Variants in NRXN1 observed in about 807,000 individuals in gnomAD.
NRXN1 encodes the protein neurexin 1, also known as neurexin-1.
NRXN1 carries 39 observed loss-of-function variants against 150.9 expected under a neutral mutation model. The ratio of observed to expected loss-of-function variants is 0.26; its 90% CI spans 0.20 to 0.34. The LOEUF is 0.34. NRXN1 is among the 10% of genes least tolerant of loss of function. The pLI is 1.00. For missense variants in NRXN1, 1,815 were observed against 1,949.9 expected (o/e 0.93, Z 1.30); for synonymous variants, 924 against 757.0 (o/e 1.22, Z -3.62).
chr2:50,163,525 T>C (rs2059494047), intron 18 of NRXN1, among the ~76,000 whole-genome samples: 1 of 152,154 alleles, frequency 6.6e-6, no homozygotes, highest in South Asian at 2.1e-4. Flanking sequence ...TCTTGGCCAA[T>C]GTGCTTCTGC....
At chr2:50,263,047 T>TA (rs2068459114) in intron 17 of NRXN1, among the ~76,000 whole-genome samples, 1 of 151,924 alleles carries the variant, frequency 6.6e-6, no homozygotes, top group Non-Finnish European at 1.5e-5. Context: ...TACATGACAG[T>TA]ACTCCACACA....
chr2:50,236,655 G>C, intron 18 of NRXN1, 134 bp downstream of exon 18: 1 of 781,382 alleles, frequency 1.3e-6, no homozygotes, highest in Non-Finnish European at 2.2e-6. Context: ...ATTTCCTCTA[G>C]ATTGTATTCA....
chr2:50,867,075 C>A (rs1186107329), intron 5 of NRXN1, among the ~76,000 whole-genome samples: 2 of 151,922 alleles, frequency 1.3e-5, no homozygotes, highest in Admixed American at 6.6e-5. Context: ...GGAAGTTCAC[C>A]ATGAGCATTG....
chr2:51,016,231 T>C (rs1668643114), intron 2 of NRXN1, among the ~76,000 whole-genome samples: 1 of 152,032 alleles, frequency 6.6e-6, no homozygotes, highest in African/African-American at 2.4e-5. Context: ...CCAAAAGCAA[T>C]GGCAACAAAA....
At chr2:50,811,309 T>A (rs905856624) in intron 5 of NRXN1, among the ~76,000 whole-genome samples, 1 of 152,184 alleles carries the variant, frequency 6.6e-6, no homozygotes, top group Non-Finnish European at 1.5e-5. Context: ...TTTTCTTTTA[T>A]CCTATTGAAA....
At chr2:50,708,570 T>C (rs1694745926) in intron 5 of NRXN1, among the ~76,000 whole-genome samples, 1 of 152,140 alleles carries the variant, frequency 6.6e-6, no homozygotes, top group Non-Finnish European at 1.5e-5. Context: ...CCTTGAATTG[T>C]TGTCCTCAAC....
chr2:50,128,334 ATAGTAT>A (rs879599312), intron 18 of NRXN1, among the ~76,000 whole-genome samples: 2 of 152,210 alleles, frequency 1.3e-5, no homozygotes, highest in Non-Finnish European at 2.9e-5. Flanking sequence ...TCTTGAGTCC[ATAGTAT>A]TATATGCTCC....
rs1327848730 is a variant in NRXN1 at position 50,528,726 on chromosome 2, C to T, written c.2348-75G>A. The T allele has an allele frequency of 3.7e-5, 33 of 892,108 alleles. No homozygotes were observed. The Admixed American group carries it at 7.6e-4, about 20-fold the overall frequency. 55.3% of individuals were successfully genotyped at this position (892,108 alleles called of 1,614,324 possible). A position where few individuals can be genotyped will look rare whatever the true frequency, so the allele number is the denominator to read the frequency against. On this transcript the variant is annotated intron_variant, in intron 11 of 22. Coordinates refer to ENST00000401669, the MANE Select transcript of NRXN1 (RefSeq NM_001330078.2). ...TAGCTGCAGACATCCAATAAAATTA[C>T]AGTCCACCCTTCCGGGGACAGACAC...
At chr2:50,795,700 G>A (rs962113966) in intron 5 of NRXN1, among the ~76,000 whole-genome samples, 20 of 152,018 alleles carry the variant, frequency 1.3e-4, no homozygotes, top group African/African-American at 4.8e-4. Context: ...TCTCCTCCAT[G>A]TGGAACTGCT....
chr2:50,145,679 C>T (rs956859367), intron 18 of NRXN1, among the ~76,000 whole-genome samples: 4 of 151,636 alleles, frequency 2.6e-5, no homozygotes, highest in African/African-American at 9.7e-5. Context: ...AGTGTGACAA[C>T]TCCCATTCAT....
At chr2:50,138,969 TAAAAG>T (rs895435381) in intron 18 of NRXN1, among the ~76,000 whole-genome samples, 3 of 152,318 alleles carry the variant, frequency 2.0e-5, no homozygotes, top group African/African-American at 7.2e-5. Flanking sequence ...GAGGTGCAGA[TAAAAG>T]GTAAAGGTTT....
chr2:50,892,256 T>C (rs1161994084), intron 5 of NRXN1, among the ~76,000 whole-genome samples: 1 of 152,108 alleles, frequency 6.6e-6, no homozygotes, highest in East Asian at 1.9e-4. Flanking sequence ...ATTTATTAAG[T>C]CTGCTTCATT....
intron 9 of NRXN1, among the ~76,000 whole-genome samples, chr2:50,543,021 G>T (rs2093423176): frequency 6.6e-6 from 1 of 152,062 alleles, no homozygotes; most frequent in African/African-American, 2.4e-5. Context: ...ATTGATAATT[G>T]AAGACAATTG....
chr2:50,639,218 CTTTCTTTT>C (rs1042116513), intron 5 of NRXN1, among the ~76,000 whole-genome samples: 7 of 99,686 alleles, frequency 7.0e-5, no homozygotes, highest in Non-Finnish European at 1.3e-4. Context: ...TTCTTTCTTT[CTTTCTTTT>C]TTTTTTTTTT....
chr2:50,560,687 C>A (rs774234661), intron 8 of NRXN1, among the ~76,000 whole-genome samples: 3 of 152,072 alleles, frequency 2.0e-5, no homozygotes, highest in Non-Finnish European at 4.4e-5. Context: ...CTGCTTTGGC[C>A]TCCCAAACTA....
chr2:50,163,396 A>G (rs2152790063), intron 18 of NRXN1, among the ~76,000 whole-genome samples: 1 of 152,136 alleles, frequency 6.6e-6, no homozygotes, highest in South Asian at 2.1e-4. Context: ...TCCCATCCAA[A>G]CCATTGGCCT....
At chr2:50,083,696 G>T (rs1232230794) in intron 19 of NRXN1, among the ~76,000 whole-genome samples, 2 of 152,136 alleles carry the variant, frequency 1.3e-5, no homozygotes, top group Non-Finnish European at 1.5e-5. Flanking sequence ...AGAGCCGATT[G>T]GTCTGTTTTT....
chr2:50,116,497 T>C (rs78520601), intron 18 of NRXN1, among the ~76,000 whole-genome samples: 196 of 152,130 alleles, frequency 1.3e-3, no homozygotes, highest in African/African-American at 4.5e-3. Context: ...TTTCCTGAAC[T>C]CTCTGGAAAT....
intron 17 of NRXN1, among the ~76,000 whole-genome samples, chr2:50,292,168 T>A (rs1426774370): frequency 6.6e-6 from 1 of 152,192 alleles, no homozygotes; most frequent in Non-Finnish European, 1.5e-5. Context: ...GTTTTTTACA[T>A]TTTAAAACAG....
Sources: gnomAD v4.1 joint callset for allele counts (sites outside exome capture counted in the v4.1 genomes callset) on GRCh38, gnomAD v4.1.1 for gene constraint, MANE v1.5 for transcripts, NCBI Gene and HGNC (gene_info 2026-07-23, HGNC 2026-07-21) for gene names.